The following TMEM234 variants were observed in gnomAD, a reference collection of about 807,000 sequenced individuals.
TMEM234 encodes the protein chromosome 1 open reading frame 91.
A neutral mutation model predicts 17.8 loss-of-function variants in TMEM234; 21 were observed. The observed-to-expected ratio is 1.18, with a 90% confidence interval of 0.84 to 1.70. The LOEUF (loss-of-function observed/expected upper bound fraction) is 1.70, where lower values mean the gene tolerates loss of function less well. Among genes scored for constraint, TMEM234 ranks in the 40% most tolerant of loss-of-function variants. TMEM234 has a pLI of 0.00. For missense variants in TMEM234, 137 were observed against 166.9 expected (o/e 0.82, Z 0.99); for synonymous variants, 83 against 73.5 (o/e 1.13, Z -0.66).
chr1:32,218,910 C>G (rs1638649773), intron 3 of TMEM234, among the ~76,000 whole-genome samples: 1 of 152,040 alleles, frequency 6.6e-6, no homozygotes, highest in Admixed American at 6.6e-5. Context: ...TGCACTCCAG[C>G]CTGGGTGACA....
In TMEM234 at chr1:32,221,919, G is replaced by A. The variant is rs904979093; in HGVS notation, c.116C>T (p.Thr39Ile). ...SAGLQRVHEP[T>I]WAQQLLQEMK... ...CTCCTGTAGCAACTGCTGGGCCCAG[G>A]TCGGCTCATGAACCCGCTGCAGGCC... Residue 39 changes from threonine (T) to isoleucine (I), a missense_variant, in exon 2 of 5, where the codon ACC (threonine) becomes ATC (isoleucine). Transcript: ENST00000309777. 5.0e-6 allele frequency: 8 copies of A among 1,613,144 alleles called. No individual in the cohort carries two copies. Among genetic ancestry groups the A allele is most frequent in the Middle Eastern group, 3.3e-4 (2 of 6,082 alleles).
chr1:32,215,473 G>C (rs1234539500), downstream of TMEM234: 2 of 1,613,570 alleles, frequency 1.2e-6, no homozygotes, highest in Non-Finnish European at 1.7e-6. Flanking sequence ...CCCCACCGAA[G>C]GAAGGAGACA....
Position 32,222,003 on chromosome 1 carries a change from AG to A in TMEM234, c.31del (p.Leu11TrpfsTer15). Reference protein sequence around the residue: MAASLGQVLALVLVAALWGGT... With the variant: MAASLGQVLAXVLVAALWGGT... The stretch of plus-strand genomic sequence containing the variant: ...ACCCCACAGAGCGGCCACCAGCACC[AG>A]AGCCAACACCTGCCCTGAATGCAGA... On this transcript the variant is annotated frameshift_variant, in exon 2 of 5. Coordinates refer to ENST00000309777, the MANE Select transcript of TMEM234 (RefSeq NM_019118.5). LOFTEE classifies it high-confidence loss of function. 6.2e-7 allele frequency: 1 copy of A among 1,611,914 alleles called. No homozygotes were observed.
Position 32,216,723 on chromosome 1 carries a change from T to C in TMEM234, c.*130A>G. ...CTCTTATTGTGATCCATGAGGTAGC[T>C]GTTATCCCCATAAGAGAGGAGGAAG... On this transcript the variant is annotated 3_prime_UTR_variant, in exon 5 of 5. Transcript: ENST00000309777. 1.3e-6 allele frequency: 2 copies of C among 1,506,438 alleles called. No homozygotes were observed. Among genetic ancestry groups the C allele is most frequent in the South Asian group, 2.6e-5 (2 of 77,030 alleles). 93.3% of individuals were successfully genotyped at this position (1,506,438 alleles called of 1,614,324 possible).
chr1:32,216,384 C>A lies in TMEM234; in HGVS notation c.*469G>T. On this transcript the variant is annotated 3_prime_UTR_variant, in exon 5 of 5. Transcript: ENST00000309777. The stretch of plus-strand genomic sequence containing the variant: ...TCCTGCATCTGCCACTCCGACGCAC[C>A]TTCTTCCCTCGGTTCCACCCCTCAT... 6.4e-7 allele frequency: 1 copy of A among 1,551,164 alleles called. No individual in the cohort carries two copies. Among genetic ancestry groups the A allele is most frequent in the African/African-American group, 1.4e-5 (1 of 73,146 alleles).
At chr1:32,214,565 A>G (rs1283941312), downstream of TMEM234, 5 of 545,352 alleles carry the variant, frequency 9.2e-6, no homozygotes, top group African/African-American at 1.9e-5. Context: ...GGGGAAGCAC[A>G]GTCTGGTTTC....
chr1:32,216,201 CTGTT>C lies in TMEM234; in HGVS notation c.*648_*651del. On this transcript the variant is annotated 3_prime_UTR_variant, in exon 5 of 5. Transcript: ENST00000309777. ...AAAAGAATACTTACTAACCTCTTGTCTGTTTACCATAGATTTATTGACAGCTACT... is the reference window on the plus strand; with the variant it reads ...AAAAGAATACTTACTAACCTCTTGTCTACCATAGATTTATTGACAGCTACT... 1.1e-6 allele frequency: 1 copy of C among 923,506 alleles called. No homozygotes were observed. Among genetic ancestry groups the C allele is most frequent in the Non-Finnish European group, 1.6e-6 (1 of 630,284 alleles). 57.2% of individuals were successfully genotyped at this position (923,506 alleles called of 1,614,324 possible). A position where few individuals can be genotyped will look rare whatever the true frequency, so the allele number is the denominator to read the frequency against.
chr1:32,217,561 T>C (rs1206413494), intron 3 of TMEM234: 6 of 1,148,140 alleles, frequency 5.2e-6, no homozygotes, highest in Non-Finnish European at 2.5e-6. Context: ...ACCTGAACTC[T>C]GAGGTCTGGG....
rs746897014 is a variant in TMEM234 at position 32,216,373 on chromosome 1, C to T, written c.*480G>A. 2.7e-5 allele frequency: 42 copies of T among 1,550,368 alleles called. No homozygotes were observed. Among genetic ancestry groups the T allele is most frequent in the Non-Finnish European group, 3.3e-5 (38 of 1,146,386 alleles). ...GACAGCTCATTTCCTGCATCTGCCACTCCGACGCACCTTCTTCCCTCGGTT... is the reference window on the plus strand; with the variant it reads ...GACAGCTCATTTCCTGCATCTGCCATTCCGACGCACCTTCTTCCCTCGGTT... On this transcript the variant is annotated 3_prime_UTR_variant, in exon 5 of 5. Coordinates refer to ENST00000309777, the MANE Select transcript of TMEM234 (RefSeq NM_019118.5).
At chr1:32,215,767 C>G (rs565494106), downstream of TMEM234, 1 of 1,480,856 alleles carries the variant, frequency 6.8e-7, no homozygotes, top group South Asian at 1.3e-5. Context: ...GCCATACTCA[C>G]GGCTCCATTC....
downstream of TMEM234, chr1:32,214,775 A>G: frequency 6.2e-7 from 1 of 1,613,694 alleles, no homozygotes; most frequent in Non-Finnish European, 8.5e-7. Flanking sequence ...ATCAGGGTCC[A>G]AGCCCAGTGT....
rs1234884012 is a variant in TMEM234 at position 32,222,318 on chromosome 1, G to A, written c.5C>T (p.Ala2Val). The change falls in exon 1 of 5, where the codon GCG becomes GTG. Residue 2 changes from alanine to valine, a missense_variant. By Grantham distance (64) the Ala-to-Val change is moderately conservative. Coordinates refer to ENST00000309777, the MANE Select transcript of TMEM234 (RefSeq NM_019118.5). Reference protein sequence around the residue: MAASLGQVLALV... With the variant: MVASLGQVLALV... ...GGCCGGCTACCTACCCAGAGACGCC[G>A]CCATGGCAACGCCGCTGTCTTCTAC... 2 of 1,561,378 alleles carry A rather than the reference G, an allele frequency of 1.3e-6. No individual in the cohort carries two copies. The highest frequency in any genetic ancestry group is 2.3e-5 in the East Asian group (1 of 44,296).
rs1395862124 is a variant in TMEM234, at chr1:32,216,587, G to A, written c.*266C>T. ...GGCTGGGAGCCTGAGATGTTAGCAG[G>A]AAGAGAGCTGCTGGGGCAGAAAGGT... On this transcript the variant is annotated 3_prime_UTR_variant, in exon 5 of 5. Coordinates refer to ENST00000309777, the MANE Select transcript of TMEM234 (RefSeq NM_019118.5). The A allele has an allele frequency of 2.6e-6, 4 of 1,542,498 alleles. No individual in the cohort carries two copies. The Admixed American group carries it at 5.9e-5, about 23-fold the overall frequency.
intron 3 of TMEM234, among the ~76,000 whole-genome samples, chr1:32,219,987 T>C (rs1263294295): frequency 3.9e-5 from 6 of 152,086 alleles, no homozygotes; most frequent in African/African-American, 1.4e-4. Flanking sequence ...TTCTGGTTAT[T>C]AGAAAGGATG....
At chr1:32,222,194 G>C (rs1352922312) in intron 1 of TMEM234, 113 bp downstream of exon 1, 1 of 1,500,926 alleles carries the variant, frequency 6.7e-7, no homozygotes, top group South Asian at 1.3e-5. Context: ...GAATCCAGGA[G>C]TCCGGCCTCT....
downstream of TMEM234, chr1:32,215,875 C>T (rs1348276936): frequency 6.4e-7 from 1 of 1,552,046 alleles, no homozygotes; most frequent in South Asian, 1.2e-5. Context: ...ATCTCAGCCT[C>T]AGCCCCAGCT....
intron 4 of TMEM234, 139 bp from the exon 5 acceptor site, chr1:32,217,086 GGGGAA>G: frequency 6.4e-7 from 1 of 1,565,612 alleles, no homozygotes; most frequent in East Asian, 2.4e-5. Context: ...AGACTGTCCA[GGGGAA>G]GGGAACTCTG....
intron 2 of TMEM234, 71 bp from the exon 3 acceptor site, chr1:32,221,268 G>C: frequency 8.2e-7 from 1 of 1,224,088 alleles, no homozygotes; most frequent in Non-Finnish European, 1.2e-6. Context: ...TGAGCTCCTA[G>C]CGAATGTCTT....
At chr1:32,219,019 G>A (rs1057422990) in intron 3 of TMEM234, among the ~76,000 whole-genome samples, 2 of 151,886 alleles carry the variant, frequency 1.3e-5, no homozygotes, top group African/African-American at 4.8e-5. Context: ...GGCTAAGGAA[G>A]GAGAGTCACT....
Sources: gnomAD v4.1 joint callset for allele counts (sites outside exome capture counted in the v4.1 genomes callset) on GRCh38, gnomAD v4.1.1 for gene constraint, MANE v1.5 for transcripts, NCBI Gene and HGNC (gene_info 2026-07-23, HGNC 2026-07-21) for gene names.